Variants in KREMEN1 observed in about 807,000 individuals in gnomAD.
KREMEN1 encodes the protein kringle containing transmembrane protein 1, also known as kremen protein 1.
A neutral mutation model predicts 46.5 loss-of-function variants in KREMEN1; 30 were observed. That is an observed-to-expected ratio of 0.65 (90% confidence interval 0.48 to 0.88). The LOEUF (loss-of-function observed/expected upper bound fraction) is 0.88, where lower values mean the gene tolerates loss of function less well. Among genes scored for constraint, KREMEN1 ranks in the 40% least tolerant of loss-of-function variants. The pLI, the probability that KREMEN1 is intolerant of heterozygous loss-of-function variation, is 0.00. For missense variants in KREMEN1, 533 were observed against 596.9 expected (o/e 0.89, Z 1.11); for synonymous variants, 214 against 230.6 (o/e 0.93, Z 0.65).
chr22:29,123,006 AG>A (rs1261310111), intron 4 of KREMEN1, among the ~76,000 whole-genome samples: 2 of 151,006 alleles, frequency 1.3e-5, no homozygotes, highest in Non-Finnish European at 3.0e-5. Context: ...TCTCCAAAAC[AG>A]TAGGCTAATT....
At chr22:29,118,366 A>AG (rs1041435793) in intron 3 of KREMEN1, among the ~76,000 whole-genome samples, 24 of 152,144 alleles carry the variant, frequency 1.6e-4, no homozygotes, top group Admixed American at 1.1e-3. Flanking sequence ...GCTCACACTC[A>AG]GGGGGAGGAG....
At position 29,137,508 on chromosome 22, in the gene KREMEN1, G is replaced by A. The variant is rs536716246; in HGVS notation, c.798G>A (p.Ser266=). 50 of 1,611,674 alleles carry A rather than the reference G, an allele frequency of 3.1e-5. No individual in the cohort carries two copies. Among genetic ancestry groups the A allele is most frequent in the African/African-American group, 1.1e-4 (8 of 74,996 alleles). ...FSFPLFDIRD[S]ADMVELLDGY... ...TCCCCCTATTTGACATCAGGGACTC[G>A]GCGGACATGGTGGAGCTTCTGGATG... is the stretch of plus-strand genomic sequence containing the variant. The change falls in exon 6 of 9, where the codon TCG becomes TCA. Residue 266 remains serine, a synonymous_variant. Transcript: ENST00000400335.
rs756051184 is a variant in KREMEN1, at chr22:29,098,901, A to G, written c.300A>G (p.Ala100=). 1.2e-6 allele frequency: 2 copies of G among 1,614,200 alleles called. No individual in the cohort carries two copies. The highest frequency in any genetic ancestry group is 1.7e-6 in the Non-Finnish European group (2 of 1,180,012). The change falls in exon 3 of 9, where the codon GCA becomes GCG. Residue 100 remains alanine (A), a synonymous_variant. Coordinates refer to ENST00000400335, the MANE Select transcript of KREMEN1 (RefSeq NM_001039570.3). ...DGDVSPWCYV[A]EHEDGVYWKY... ...ACGTGAGCCCCTGGTGCTATGTGGC[A>G]GAGCACGAGGATGGTGTCTACTGGA...
At chr22:29,131,558 A>ATGTGTGTGTGTG (rs1458308421) in intron 5 of KREMEN1, among the ~76,000 whole-genome samples, 1 of 59,674 alleles carries the variant, frequency 1.7e-5, no homozygotes, top group East Asian at 3.3e-4. Flanking sequence ...ATATATATAT[A>ATGTGTGTGTGTG]TATGTGTGTG....
chr22:29,087,069 A>G (rs1312549545), intron 1 of KREMEN1, among the ~76,000 whole-genome samples: 1 of 152,156 alleles, frequency 6.6e-6, no homozygotes, highest in Non-Finnish European at 1.5e-5. Context: ...AAATATTAAA[A>G]AAAGCATTTA....
At position 29,146,426 on chromosome 22, in the gene KREMEN1, G is replaced by A. The variant is rs2038864378; in HGVS notation, c.*4314G>A. On this transcript the variant is annotated 3_prime_UTR_variant, in exon 9 of 9. Transcript: ENST00000400335. Reference sequence around the variant, plus strand: ...TTGGGTACGGAGGCAGAAGTGGGGTGTGGAGGAAAGTCAGAGGGAAATCTG... The same window carrying A: ...TTGGGTACGGAGGCAGAAGTGGGGTATGGAGGAAAGTCAGAGGGAAATCTG... 2 of 985,608 alleles carry A rather than the reference G, an allele frequency of 2.0e-6. No individual in the cohort carries two copies. The highest frequency in any genetic ancestry group is 6.1e-5 in the Admixed American group (1 of 16,268). The allele number at this position is 985,608 out of a possible 1,614,324, so 61.1% of individuals were successfully genotyped here.
Position 29,121,431 on chromosome 22 carries a change from A to G in KREMEN1, c.427A>G (p.Lys143Glu). Residue 143 changes from lysine (K) to glutamate (E), a missense_variant, in exon 4 of 9, where the codon AAA becomes GAA. By Grantham distance (56) the Lys-to-Glu change is moderately conservative (BLOSUM62 1). Coordinates refer to ENST00000400335, the MANE Select transcript of KREMEN1 (RefSeq NM_001039570.3). ...AACTGGCACCAGTAAAACGTCCAACAAACTCACCATACAAACTTGCATCAG... is the reference window on the plus strand; with the variant it reads ...AACTGGCACCAGTAAAACGTCCAACGAACTCACCATACAAACTTGCATCAG... The part of the protein sequence containing the change: ...PLTGTSKTSN[K>E]LTIQTCISFC... 1 of 1,614,162 alleles carries G rather than the reference A, an allele frequency of 6.2e-7. No individual in the cohort carries two copies.
chr22:29,101,823 G>C (rs1180316397), intron 3 of KREMEN1, among the ~76,000 whole-genome samples: 2 of 152,062 alleles, frequency 1.3e-5, no homozygotes, highest in Admixed American at 1.3e-4. Flanking sequence ...ACTCTATGAT[G>C]GTCACACAAC....
chr22:29,166,416 T>A (rs186542500), intron 9 of KREMEN1, among the ~76,000 whole-genome samples: 1 of 152,176 alleles, frequency 6.6e-6, no homozygotes, highest in Non-Finnish European at 1.5e-5. Context: ...TGGGACTCAT[T>A]GACTTCTTCC....
chr22:29,138,872 G>A (rs745422223), intron 7 of KREMEN1, 90 bp downstream of exon 7: 1 of 1,586,116 alleles, frequency 6.3e-7, no homozygotes, highest in Non-Finnish European at 8.7e-7. Context: ...AAGCACTTGG[G>A]TGTTTCTTAT....
intron 1 of KREMEN1, 79 bp from the exon 2 acceptor site, chr22:29,094,179 A>T: frequency 7.6e-7 from 1 of 1,309,610 alleles, no homozygotes; most frequent in South Asian, 1.4e-5. Context: ...GTCCAAACAA[A>T]ACAAAACATC....
chr22:29,146,233 T>C lies in KREMEN1; in HGVS notation c.*4121T>C. The C allele has an allele frequency of 1.0e-6, 1 of 986,014 alleles. No homozygotes were observed. 61.1% of individuals were successfully genotyped at this position (986,014 alleles called of 1,614,324 possible). ...TGTCTTTGTTTACCTTCCTCACTGT[T>C]CTACCTCCTGGCCAGGTCTCAGCTT... On this transcript the variant is annotated 3_prime_UTR_variant, in exon 9 of 9. Coordinates refer to ENST00000400335, the MANE Select transcript of KREMEN1 (RefSeq NM_001039570.3).
chr22:29,155,465 G>A (rs536527156), intron 9 of KREMEN1, among the ~76,000 whole-genome samples: 6 of 152,182 alleles, frequency 3.9e-5, no homozygotes, highest in Non-Finnish European at 5.9e-5. Context: ...AGCCTGGGAG[G>A]TCTAGGCTGC....
rs1176569594 is a variant in KREMEN1, at chr22:29,142,543, C to T, written c.*431C>T. On this transcript the variant is annotated 3_prime_UTR_variant, in exon 9 of 9. Coordinates refer to ENST00000400335, the MANE Select transcript of KREMEN1 (RefSeq NM_001039570.3). ...TTTGTCCACACACAAATCAGTTTCT[C>T]CTGATCTTTATGTCTTGGAACAGGG... 1.0e-6 allele frequency: 1 copy of T among 987,298 alleles called. No individual in the cohort carries two copies. The highest frequency in any genetic ancestry group is 1.2e-6 in the Non-Finnish European group (1 of 831,330). 61.2% of individuals were successfully genotyped at this position (987,298 alleles called of 1,614,324 possible).
chr22:29,131,646 A>G lies in KREMEN1; in HGVS notation c.632-5696A>G, dbSNP rs1353233035. Among the ~76,000 whole-genome samples, 57 of 114,602 alleles carry G rather than the reference A, an allele frequency of 5.0e-4. 1 individual carries two copies. Among genetic ancestry groups the G allele is most frequent in the African/African-American group, 2.2e-3 (50 of 22,820 alleles). 75.2% of individuals were successfully genotyped at this position (114,602 alleles called of 152,430 possible). A position where few individuals can be genotyped will look rare whatever the true frequency, so the allele number is the denominator to read the frequency against. On this transcript the variant is annotated intron_variant, in intron 5 of 8. Transcript: ENST00000400335. Reference sequence around the variant, plus strand: ...TGTATATATGTATATATATGTGTGTATATATATGTATATATATACATGTAT... The same window carrying G: ...TGTATATATGTATATATATGTGTGTGTATATATGTATATATATACATGTAT...
intron 1 of KREMEN1, among the ~76,000 whole-genome samples, chr22:29,087,115 A>G (rs1463521277): frequency 1.3e-5 from 2 of 152,076 alleles, no homozygotes; most frequent in African/African-American, 2.4e-5. Context: ...CTATCTACCT[A>G]CCAAGTTTCA....
chr22:29,082,421 T>G (rs2037669043), intron 1 of KREMEN1, among the ~76,000 whole-genome samples: 1 of 152,192 alleles, frequency 6.6e-6, no homozygotes, highest in South Asian at 2.1e-4. Context: ...TTTCCTTGAT[T>G]TACATAAACT....
intron 9 of KREMEN1, among the ~76,000 whole-genome samples, chr22:29,162,128 AAAG>A (rs1341204294): frequency 6.6e-6 from 1 of 152,080 alleles, no homozygotes; most frequent in Non-Finnish European, 1.5e-5. Flanking sequence ...AAAAAAAAAA[AAAG>A]ATTAATTCAC....
downstream of KREMEN1, among the ~76,000 whole-genome samples, chr22:29,147,358 C>T (rs1219228708): frequency 2.6e-5 from 4 of 152,214 alleles, no homozygotes; most frequent in African/African-American, 9.6e-5. Flanking sequence ...ATAGAAGCTC[C>T]ACGTATGAGC....
Sources: gnomAD v4.1 joint callset for allele counts (sites outside exome capture counted in the v4.1 genomes callset) on GRCh38, gnomAD v4.1.1 for gene constraint, MANE v1.5 for transcripts, NCBI Gene and HGNC (gene_info 2026-07-23, HGNC 2026-07-21) for gene names.